CSMD3: variants seen among roughly 807,000 people sequenced by gnomAD.
The protein encoded by CSMD3 is CUB and Sushi multiple domains 3.
In CSMD3, 177 loss-of-function variants were observed where a neutral mutation model predicts 435.2. That is an observed-to-expected ratio of 0.41 (90% confidence interval 0.36 to 0.46). The LOEUF is 0.46. Ranked by LOEUF, CSMD3 falls within the 20% of genes least tolerant of loss-of-function variation. The pLI is 0.34. For missense variants in CSMD3, 4,265 were observed against 4,504.6 expected (o/e 0.95, Z 1.52); for synonymous variants, 1,656 against 1,520.5 (o/e 1.09, Z -2.07).
intron 5 of CSMD3, among the ~76,000 whole-genome samples, chr8:113,041,040 C>T (rs569554259): frequency 5.9e-5 from 9 of 151,828 alleles, no homozygotes; most frequent in Non-Finnish European, 1.2e-4. Context: ...CCGGTCTCTA[C>T]TAAAAATACA....
At chr8:113,041,057 T>A (rs1043315442) in intron 5 of CSMD3, among the ~76,000 whole-genome samples, 2 of 151,728 alleles carry the variant, frequency 1.3e-5, no homozygotes, top group South Asian at 2.1e-4. Flanking sequence ...TACAAAAAAA[T>A]TGGCCACACG....
intron 4 of CSMD3, among the ~76,000 whole-genome samples, chr8:113,138,453 C>A (rs994173572): frequency 2.0e-5 from 3 of 151,442 alleles, no homozygotes; most frequent in Admixed American, 6.6e-5. Flanking sequence ...TCAAATAAGT[C>A]AATAGGTTTC....
Position 112,405,228 on chromosome 8 carries a change from TATATATATATATATATATAC to T in CSMD3, c.5809+1276_5809+1295del, listed in dbSNP as rs1162147282. Among the ~76,000 whole-genome samples, 108 of 100,026 alleles carry T rather than the reference TATATATATATATATATATAC, an allele frequency of 1.1e-3. 1 individual carries two copies. Among genetic ancestry groups the T allele is most frequent in the African/African-American group, 3.8e-3 (78 of 20,280 alleles). 65.6% of individuals were successfully genotyped at this position (100,026 alleles called of 152,430 possible). ...AAAAAAACCCCCATATATATATATA[TATATATATATATATATATAC>T]ATATATATATACACATATCTTATTT... On this transcript the variant is annotated intron_variant, in intron 35 of 70. Transcript: ENST00000297405.
intron 16 of CSMD3, among the ~76,000 whole-genome samples, chr8:112,669,502 A>AT (rs978704627): frequency 1.3e-5 from 2 of 152,162 alleles, no homozygotes; most frequent in South Asian, 2.1e-4. Flanking sequence ...ATTCTTATAC[A>AT]TTTTTTTAAC....
chr8:112,811,291 T>C (rs2079220331), intron 12 of CSMD3, among the ~76,000 whole-genome samples: 1 of 152,012 alleles, frequency 6.6e-6, no homozygotes, highest in South Asian at 2.1e-4. Context: ...CTTGAAATTA[T>C]AAAGGTAAGA....
chr8:112,263,349 C>T (rs1816619557), intron 61 of CSMD3, among the ~76,000 whole-genome samples: 1 of 151,924 alleles, frequency 6.6e-6, no homozygotes, highest in Non-Finnish European at 1.5e-5. Context: ...ACAAAAAGGA[C>T]ATAAATAAAA....
intron 16 of CSMD3, among the ~76,000 whole-genome samples, chr8:112,678,053 G>A (rs936243138): frequency 2.0e-5 from 3 of 152,048 alleles, no homozygotes; most frequent in African/African-American, 7.2e-5. Flanking sequence ...CTATAATTAT[G>A]TCTGTATAAA....
At chr8:112,976,844 G>A (rs965777106) in intron 6 of CSMD3, among the ~76,000 whole-genome samples, 16 of 151,708 alleles carry the variant, frequency 1.1e-4, no homozygotes, top group African/African-American at 2.9e-4. Context: ...TATGAAATTT[G>A]GAAGTGGTTG....
intron 7 of CSMD3, among the ~76,000 whole-genome samples, chr8:112,974,374 T>G (rs922026348): frequency 6.6e-6 from 1 of 151,920 alleles, no homozygotes; most frequent in African/African-American, 2.4e-5. Context: ...TACAATAAAC[T>G]TATGTCAGAA....
At chr8:113,001,140 A>G (rs780967331) in intron 6 of CSMD3, among the ~76,000 whole-genome samples, 15 of 151,970 alleles carry the variant, frequency 9.9e-5, no homozygotes, top group Non-Finnish European at 1.9e-4. Flanking sequence ...TCTCACCAGG[A>G]TAGTGCAACA....
intron 32 of CSMD3, among the ~76,000 whole-genome samples, chr8:112,436,000 A>G (rs974062668): frequency 2.6e-5 from 4 of 152,016 alleles, no homozygotes; most frequent in Non-Finnish European, 5.9e-5. Flanking sequence ...CCTAAATACC[A>G]GAGGATAAAG....
At chr8:112,980,777 A>G (rs72682198) in intron 6 of CSMD3, among the ~76,000 whole-genome samples, 3,350 of 151,638 alleles carry the variant, frequency 0.022, 59 homozygotes, top group South Asian at 0.031. Flanking sequence ...CATTAAGCGT[A>G]TGCTAGTTGC....
At chr8:112,381,950 T>G (rs372464846) in intron 37 of CSMD3, among the ~76,000 whole-genome samples, 2 of 152,264 alleles carry the variant, frequency 1.3e-5, no homozygotes, top group East Asian at 3.9e-4. Flanking sequence ...ATCACTCATA[T>G]TATCATTACA....
rs1234338845 is a variant in CSMD3 at position 113,157,006 on chromosome 8, G to T, written c.709+16716C>A. ...TTTGTTTGTATTGTATTTAGGTAGG[G>T]TTAAGAGAGTACCTCAAACCCATTA... is the stretch of plus-strand genomic sequence containing the variant. On this transcript the variant is annotated intron_variant, in intron 4 of 70. Transcript: ENST00000297405. Among the ~76,000 whole-genome samples, 3 of 150,246 alleles carry T rather than the reference G, an allele frequency of 2.0e-5. No homozygotes were observed. In the South Asian group the frequency reaches 6.3e-4, roughly 32 times the overall value.
intron 6 of CSMD3, among the ~76,000 whole-genome samples, chr8:112,989,497 G>C (rs2085373178): frequency 6.6e-6 from 1 of 152,030 alleles, no homozygotes; most frequent in Admixed American, 6.6e-5. Flanking sequence ...ATTGTTACAT[G>C]ATAGAATGCA....
chr8:112,550,563 T>C, intron 27 of CSMD3, 108 bp downstream of exon 27: 2 of 652,216 alleles, frequency 3.1e-6, no homozygotes, highest in South Asian at 1.9e-5. Context: ...AACACGAATA[T>C]TTAAAATCAT....
rs113410143 is a variant in CSMD3 at position 112,390,887 on chromosome 8, T to G, written c.5810-99A>C. The G allele has an allele frequency of 2.9e-5, 33 of 1,119,788 alleles. 1 individual carries two copies. Among genetic ancestry groups the G allele is most frequent in the African/African-American group, 2.0e-4 (13 of 64,604 alleles). 69.4% of individuals were successfully genotyped at this position (1,119,788 alleles called of 1,614,324 possible). Reference sequence around the variant, plus strand: ...TAACATCTTAGACAGATACTAGACTTGCAAATCAAATCATACTTTTTTCAA... The same window carrying G: ...TAACATCTTAGACAGATACTAGACTGGCAAATCAAATCATACTTTTTTCAA... On this transcript the variant is annotated intron_variant, in intron 35 of 70. Coordinates refer to ENST00000297405, the MANE Select transcript of CSMD3 (RefSeq NM_198123.2).
At chr8:112,402,112 T>C (rs925076746) in intron 35 of CSMD3, among the ~76,000 whole-genome samples, 1 of 152,230 alleles carries the variant, frequency 6.6e-6, no homozygotes, top group African/African-American at 2.4e-5. Flanking sequence ...CCAAGGCTTT[T>C]AGTCATTTAG....
At chr8:112,619,005 C>T (rs887542261) in intron 22 of CSMD3, among the ~76,000 whole-genome samples, 2 of 152,032 alleles carry the variant, frequency 1.3e-5, no homozygotes, top group Admixed American at 6.6e-5. Flanking sequence ...ACCTGTGCCT[C>T]GGCTTCTGAA....
Sources: gnomAD v4.1 joint callset for allele counts (sites outside exome capture counted in the v4.1 genomes callset) on GRCh38, gnomAD v4.1.1 for gene constraint, MANE v1.5 for transcripts, NCBI Gene and HGNC (gene_info 2026-07-23, HGNC 2026-07-21) for gene names.